Variants in NFATC3 observed in about 807,000 individuals in gnomAD.
The protein encoded by NFATC3 is nuclear factor of activated T-cells, cytoplasmic 3.
In NFATC3, 46 loss-of-function variants were observed where a neutral mutation model predicts 98.6. The ratio of observed to expected loss-of-function variants is 0.47; its 90% confidence interval spans 0.37 to 0.60. NFATC3 has a LOEUF of 0.60. Among genes scored for constraint, NFATC3 ranks in the 20% least tolerant of loss-of-function variants. The pLI is 0.00. For missense variants in NFATC3, 1,256 were observed against 1,295.5 expected (o/e 0.97, Z 0.47); for synonymous variants, 512 against 472.2 (o/e 1.08, Z -1.09).
chr16:68,216,636 A>G (rs184233890), intron 9 of NFATC3, among the ~76,000 whole-genome samples: 7 of 151,902 alleles, frequency 4.6e-5, no homozygotes, highest in Admixed American at 3.3e-4. Flanking sequence ...GGTTCAAACA[A>G]TTCTCCTTCC....
intron 3 of NFATC3, among the ~76,000 whole-genome samples, chr16:68,151,633 A>G (rs2038324123): frequency 6.6e-6 from 1 of 152,146 alleles, no homozygotes; most frequent in African/African-American, 2.4e-5. Context: ...ATAAAGTTGA[A>G]TCTCTGGCCC....
intron 2 of NFATC3, among the ~76,000 whole-genome samples, chr16:68,123,487 C>T (rs1307729653): frequency 2.8e-5 from 4 of 140,868 alleles, no homozygotes; most frequent in African/African-American, 1.1e-4. Flanking sequence ...ATAGCAAGAT[C>T]CTGTCTCTAC....
chr16:68,181,481 G>T lies in NFATC3; in HGVS notation c.1922G>T (p.Arg641Leu). Residue 641 changes from arginine (R) to leucine (L), a missense_variant, in exon 7 of 10, where the codon CGA becomes CTA. Physicochemically the swap from Arg to Leu is moderately radical, Grantham distance 102. Around this residue, in one of 3 missense-constraint regions of NFATC3, gnomAD observed 636 missense variants for 617.3 expected, o/e 1.03. Coordinates refer to ENST00000346183, the MANE Select transcript of NFATC3 (RefSeq NM_173165.3). Reference protein sequence around the residue: ...IIFLEKGQDGRPQWEVEGKII... With the variant: ...IIFLEKGQDGLPQWEVEGKII... ...AAACTCTTTCTTTCAATAGATGGAC[G>T]ACCTCAGTGGGAGGTAGAAGGGAAG... 3 of 1,610,794 alleles carry T rather than the reference G, an allele frequency of 1.9e-6. No homozygotes were observed. The South Asian group carries it at 3.3e-5, about 18-fold the overall frequency.
intron 1 of NFATC3, among the ~76,000 whole-genome samples, chr16:68,104,653 G>GTTTTTTTTTTTTTTTTTTGTTTTT (rs778016298): frequency 7.9e-6 from 1 of 126,698 alleles, no homozygotes; most frequent in Non-Finnish European, 1.6e-5. Flanking sequence ...TTCACAAATG[G>GTTTTTTTTTTTTTTTTTTGTTTTT]TTTTTTTTTT....
At chr16:68,178,732 TC>T (rs2039825421) in intron 6 of NFATC3, among the ~76,000 whole-genome samples, 2 of 152,186 alleles carry the variant, frequency 1.3e-5, no homozygotes, top group African/African-American at 4.8e-5. Flanking sequence ...AGCTGTCCCT[TC>T]CTTTCCACTG....
At chr16:68,132,420 G>A (rs1049402527) in intron 3 of NFATC3, among the ~76,000 whole-genome samples, 1 of 152,068 alleles carries the variant, frequency 6.6e-6, no homozygotes, top group Admixed American at 6.6e-5. Context: ...AAGAATAAAA[G>A]AATAAAAGAT....
chr16:68,131,650 C>CTTTT (rs78084781), intron 3 of NFATC3, among the ~76,000 whole-genome samples: 1 of 138,372 alleles, frequency 7.2e-6, no homozygotes, highest in East Asian at 2.1e-4. Context: ...AATCAAGGTA[C>CTTTT]TTTTTTTTTT....
chr16:68,211,793 A>G (rs2041413910), intron 9 of NFATC3, among the ~76,000 whole-genome samples: 1 of 152,184 alleles, frequency 6.6e-6, no homozygotes, highest in South Asian at 2.1e-4. Flanking sequence ...AAGTGCTGGG[A>G]TTACAGGCAT....
chr16:68,185,689 C>T (rs973205193), intron 8 of NFATC3, among the ~76,000 whole-genome samples: 3 of 151,842 alleles, frequency 2.0e-5, no homozygotes, highest in Non-Finnish European at 4.4e-5. Flanking sequence ...CGGTGAAACC[C>T]CGTCTCTACT....
In NFATC3 at chr16:68,181,508, T is replaced by C; in HGVS notation, c.1949T>C (p.Ile650Thr). ...CCTCAGTGGGAGGTAGAAGGGAAGA[T>C]AATCAGGGAAAAATGTCAAGGGGTA... is the stretch of plus-strand genomic sequence containing the variant. ...GRPQWEVEGK[I>T]IREKCQGAHI... is the part of the protein sequence containing the mutation. Residue 650 changes from isoleucine (I) to threonine (T), a missense_variant, in exon 7 of 10, where the codon ATA becomes ACA. Ile to Thr is a moderately conservative substitution (Grantham distance 89). This residue lies in a region of NFATC3 where 636 missense variants were observed against 617.3 expected (regional missense o/e 1.03). Transcript: ENST00000346183. The C allele has an allele frequency of 6.2e-7, 1 of 1,611,532 alleles. No homozygotes were observed. Among genetic ancestry groups the C allele is most frequent in the Non-Finnish European group, 8.5e-7 (1 of 1,177,920 alleles).
chr16:68,227,828 C>T lies in NFATC3; in HGVS notation c.*1357C>T, dbSNP rs2042066210. On this transcript the variant is annotated 3_prime_UTR_variant, in exon 10 of 10. Transcript: ENST00000346183. ...AAAAAAAAAACCTGCCCTTACCCCT[C>T]TCCCTAATGGGATTTTTTTTACCTG... 6.6e-6 allele frequency: 1 copy of T among 151,988 alleles called. No homozygotes were observed. Among genetic ancestry groups the T allele is most frequent in the Non-Finnish European group, 1.5e-5 (1 of 67,978 alleles). 9.4% of individuals were successfully genotyped at this position (151,988 alleles called of 1,614,324 possible).
intron 4 of NFATC3, among the ~76,000 whole-genome samples, chr16:68,160,916 C>T (rs543563040): frequency 6.6e-6 from 1 of 151,998 alleles, no homozygotes; most frequent in South Asian, 2.1e-4. Context: ...ACCTCCTGGC[C>T]TCAAGCAGTC....
At chr16:68,151,895 C>A (rs1447467528) in intron 3 of NFATC3, among the ~76,000 whole-genome samples, 1 of 149,266 alleles carries the variant, frequency 6.7e-6, no homozygotes, top group Non-Finnish European at 1.5e-5. Flanking sequence ...ATGGTGAAAC[C>A]CCGTCTCTAC....
chr16:68,174,706 G>C (rs969271932), intron 6 of NFATC3, among the ~76,000 whole-genome samples, 192 bp downstream of exon 6: 1 of 152,128 alleles, frequency 6.6e-6, no homozygotes, highest in Non-Finnish European at 1.5e-5. Context: ...TAAGGAGCTG[G>C]GCATGGTGGC....
chr16:68,203,247 CTG>C (rs1358190995), intron 9 of NFATC3, among the ~76,000 whole-genome samples: 1 of 152,118 alleles, frequency 6.6e-6, no homozygotes, highest in African/African-American at 2.4e-5. Context: ...TCGAATGCGT[CTG>C]TGTATTTCCA....
intron 4 of NFATC3, among the ~76,000 whole-genome samples, chr16:68,158,282 C>G (rs1256668895): frequency 6.6e-6 from 1 of 152,056 alleles, no homozygotes; most frequent in Admixed American, 6.6e-5. Flanking sequence ...ACCAGCCAAG[C>G]CATTATCCTA....
intron 3 of NFATC3, among the ~76,000 whole-genome samples, chr16:68,157,261 A>T (rs1013612148): frequency 6.6e-6 from 1 of 151,516 alleles, no homozygotes; most frequent in African/African-American, 2.4e-5. Context: ...TTTCCCGAAG[A>T]TTGTTGAAAT....
In NFATC3 at chr16:68,128,002, T is replaced by G. The variant is rs1042779660; in HGVS notation, c.1401+1392T>G. Among the ~76,000 whole-genome samples the G allele has an allele frequency of 4.6e-5, 7 of 152,260 alleles. No individual in the cohort carries two copies. In the South Asian group the frequency reaches 6.2e-4, roughly 14 times the overall value. Reference sequence around the variant, plus strand: ...ACTACTTTTTTATTTCATTAAGTTTTTTTTTGTTTTTATGTAAGGAGGGCT... The same window carrying G: ...ACTACTTTTTTATTTCATTAAGTTTGTTTTTGTTTTTATGTAAGGAGGGCT... On this transcript the variant is annotated intron_variant, in intron 3 of 9. Coordinates refer to ENST00000346183, the MANE Select transcript of NFATC3 (RefSeq NM_173165.3).
chr16:68,120,339 A>T (rs2151498269), intron 1 of NFATC3, among the ~76,000 whole-genome samples: 1 of 150,442 alleles, frequency 6.6e-6, no homozygotes, highest in South Asian at 2.1e-4. Context: ...GCACTTTGGG[A>T]GGCCAAGGAG....
Sources: allele counts gnomAD v4.1 joint callset (sites outside exome capture counted in the v4.1 genomes callset), GRCh38; gene constraint gnomAD v4.1.1; regional missense constraint gnomAD v4.1.1; transcripts MANE v1.5; gene names NCBI Gene and HGNC (gene_info 2026-07-23, HGNC 2026-07-21).